The following GFRA2 variants were observed in gnomAD, a reference collection of about 807,000 sequenced individuals.
GFRA2 encodes the protein GDNF family receptor alpha-2.
In GFRA2, 17 loss-of-function variants were observed where a neutral mutation model predicts 48.3. The observed-to-expected ratio is 0.35, with a 90% CI of 0.24 to 0.53. The LOEUF (loss-of-function observed/expected upper bound fraction) is 0.53. Among genes scored for constraint, GFRA2 ranks in the 20% least tolerant of loss-of-function variants. The pLI, the probability that GFRA2 is intolerant of heterozygous loss-of-function variation, is 0.93. For missense variants in GFRA2, 660 were observed against 637.3 expected, an observed-to-expected ratio of 1.04 and a Z score of -0.38; for synonymous variants, 305 against 257.2, an observed-to-expected ratio of 1.19 and a Z score of -1.78.
At chr8:21,787,863 T>TGCAC (rs1807360357) in intron 1 of GFRA2, among the ~76,000 whole-genome samples, 1 of 152,148 alleles carries the variant, frequency 6.6e-6, no homozygotes. Context: ...TGTGTGTGCG[T>TGCAC]GCACAGTGTC....
intron 3 of GFRA2, among the ~76,000 whole-genome samples, chr8:21,754,060 C>T (rs1181064835): frequency 6.6e-6 from 1 of 152,228 alleles, no homozygotes; most frequent in African/African-American, 2.4e-5. Flanking sequence ...TGAGTCCTTC[C>T]TGACCACCCC....
rs533447413 is a variant in GFRA2 at position 21,691,795 on chromosome 8, G to T, written c.*1483C>A. ...AACAGCCCACCAGGCTCAGCACAGC[G>T]TGGACCCTCAGATCCCGCCCCCAGT... On this transcript the variant is annotated 3_prime_UTR_variant, in exon 9 of 9. Coordinates refer to ENST00000524240, the MANE Select transcript of GFRA2 (RefSeq NM_001495.5). 6.6e-6 allele frequency: 1 copy of T among 152,486 alleles called. No individual in the cohort carries two copies. Among genetic ancestry groups the T allele is most frequent in the South Asian group, 2.1e-4 (1 of 4,828 alleles). The allele number at this position is 152,486 out of a possible 1,614,324, so 9.4% of individuals were successfully genotyped here.
chr8:21,712,169 C>T (rs1450499806), intron 4 of GFRA2, among the ~76,000 whole-genome samples: 1 of 152,288 alleles, frequency 6.6e-6, no homozygotes, highest in Admixed American at 6.5e-5. Flanking sequence ...CCATTGTCAT[C>T]ATGGCCCATT....
At position 21,694,540 on chromosome 8, in the gene GFRA2, C is replaced by A. The variant is rs756582319; in HGVS notation, c.1219-23G>T. On this transcript the variant is annotated intron_variant, in intron 7 of 8. Coordinates refer to ENST00000524240, the MANE Select transcript of GFRA2 (RefSeq NM_001495.5). ...CTCCTGCGAGAGAGAAGGTGCCAGTCAGGACGAGTCACCAGGCTGTTCCTG... is the reference window on the plus strand; with the variant it reads ...CTCCTGCGAGAGAGAAGGTGCCAGTAAGGACGAGTCACCAGGCTGTTCCTG... 20 of 1,602,814 alleles carry A rather than the reference C, an allele frequency of 1.2e-5. 1 individual carries two copies. Among genetic ancestry groups the A allele is most frequent in the Middle Eastern group, 3.3e-4 (2 of 6,050 alleles).
intron 2 of GFRA2, among the ~76,000 whole-genome samples, chr8:21,775,379 G>A (rs780447776): frequency 2.0e-5 from 3 of 152,226 alleles, no homozygotes; most frequent in Non-Finnish European, 4.4e-5. Context: ...TGCATCTGGG[G>A]GAAGTGGAGC....
chr8:21,761,114 C>CACCT (rs1374756076), intron 3 of GFRA2, among the ~76,000 whole-genome samples: 5 of 152,158 alleles, frequency 3.3e-5, no homozygotes, highest in Non-Finnish European at 4.4e-5. Context: ...CCACAACCAT[C>CACCT]ACCTCCACAC....
intron 7 of GFRA2, among the ~76,000 whole-genome samples, chr8:21,694,858 G>C (rs1045646405): frequency 1.3e-5 from 2 of 152,194 alleles, no homozygotes; most frequent in African/African-American, 4.8e-5. Flanking sequence ...CTCACACTGA[G>C]CAGTGTCTGG....
At chr8:21,756,344 A>G (rs1433755354) in intron 3 of GFRA2, among the ~76,000 whole-genome samples, 2 of 152,236 alleles carry the variant, frequency 1.3e-5, no homozygotes, top group Non-Finnish European at 2.9e-5. Flanking sequence ...GGTTACCAGG[A>G]AGATACCCCG....
chr8:21,790,610 G>C (rs1308937293), upstream of GFRA2, among the ~76,000 whole-genome samples: 1 of 152,174 alleles, frequency 6.6e-6, no homozygotes, highest in Non-Finnish European at 1.5e-5. Flanking sequence ...GGTCCGTCCT[G>C]GGGCATCGAC....
chr8:21,774,219 T>C (rs1806578677), intron 3 of GFRA2, among the ~76,000 whole-genome samples: 1 of 143,116 alleles, frequency 7.0e-6, no homozygotes, highest in African/African-American at 2.7e-5. Flanking sequence ...TGGGCTGCCC[T>C]GGGCCCAGTG....
At chr8:21,769,533 G>A (rs1249231290) in intron 3 of GFRA2, among the ~76,000 whole-genome samples, 2 of 152,136 alleles carry the variant, frequency 1.3e-5, no homozygotes, top group Non-Finnish European at 2.9e-5. Flanking sequence ...GGTTCAGGGG[G>A]TCTAGTGACC....
At chr8:21,705,299 G>A (rs1802685723) in intron 5 of GFRA2, among the ~76,000 whole-genome samples, 174 bp from the exon 6 acceptor site, 1 of 152,104 alleles carries the variant, frequency 6.6e-6, no homozygotes, top group African/African-American at 2.4e-5. Flanking sequence ...GACTATCCCA[G>A]GGACCATGTT....
intron 3 of GFRA2, among the ~76,000 whole-genome samples, chr8:21,773,228 A>T (rs1361020610): frequency 6.6e-6 from 1 of 152,224 alleles, no homozygotes; most frequent in South Asian, 2.1e-4. Context: ...CATGGTGCCC[A>T]CAGGCAGTGC....
rs1421255534 is a variant in GFRA2, at chr8:21,806,067, C to A, written c.-147-939G>T. ...GTCCTATAACTGCCCTGCAAAGGGT[C>A]GAGGCAGCCCAGCTCTTCATCTACC... is the stretch of plus-strand genomic sequence containing the variant. On this transcript the variant is annotated intron_variant, in intron 1 of 10. Coordinates refer to the GFRA2 transcript ENST00000517328. Among the ~76,000 whole-genome samples the A allele has an allele frequency of 2.0e-5, 3 of 152,276 alleles. No individual in the cohort carries two copies. In the South Asian group the frequency reaches 6.2e-4, roughly 32 times the overall value.
intron 4 of GFRA2, among the ~76,000 whole-genome samples, chr8:21,709,754 GCTTCC>G (rs1225787160): frequency 1.3e-5 from 2 of 152,156 alleles, no homozygotes; most frequent in Non-Finnish European, 2.9e-5. Context: ...AGGGAGCCTT[GCTTCC>G]CTCCCGCAAG....
At chr8:21,700,159 G>C (rs546379765) in intron 7 of GFRA2, among the ~76,000 whole-genome samples, 9 of 152,326 alleles carry the variant, frequency 5.9e-5, no homozygotes, top group African/African-American at 2.2e-4. Flanking sequence ...CCATCCTGCA[G>C]GTGTCCAAGA....
At chr8:21,760,205 T>G (rs1195954246) in intron 3 of GFRA2, among the ~76,000 whole-genome samples, 1 of 152,070 alleles carries the variant, frequency 6.6e-6, no homozygotes, top group Non-Finnish European at 1.5e-5. Flanking sequence ...ACTTCAGATT[T>G]TATTCTAAAA....
In GFRA2 at chr8:21,735,517, G is replaced by A. The variant is rs183541503; in HGVS notation, c.794+15071C>T. Among the ~76,000 whole-genome samples the A allele has an allele frequency of 1.4e-4, 21 of 152,230 alleles. No homozygotes were observed. In the East Asian group the frequency reaches 1.7e-3, roughly 13 times the overall value. On this transcript the variant is annotated intron_variant, in intron 4 of 8. Coordinates refer to ENST00000524240, the MANE Select transcript of GFRA2 (RefSeq NM_001495.5). ...AAGGTGGTCCAGAGCACAGAGAGCC[G>A]CTGTGTGGAGACGAACCCTTCCCCA... is the stretch of plus-strand genomic sequence containing the variant.
intron 4 of GFRA2, among the ~76,000 whole-genome samples, chr8:21,714,243 G>GTTTTTTTTTTTTTTTTTTTTTTTTT (rs1385783305): frequency 2.2e-5 from 1 of 46,044 alleles, no homozygotes; most frequent in African/African-American, 7.1e-5. Flanking sequence ...CTGGTCTGAA[G>GTTTTTTTTTTTTTTTTTTTTTTTTT]TTCTTTTTTT....
Sources: gnomAD v4.1 joint callset for allele counts (sites outside exome capture counted in the v4.1 genomes callset) on GRCh38, gnomAD v4.1.1 for gene constraint, MANE v1.5 for transcripts, NCBI Gene and HGNC (gene_info 2026-07-23, HGNC 2026-07-21) for gene names.